MAN1A1: variants seen among roughly 807,000 people sequenced by gnomAD.
MAN1A1 encodes mannosyl-oligosaccharide 1,2-alpha-mannosidase IA.
Under a neutral mutation model 70.8 loss-of-function variants are expected in MAN1A1, and 29 were observed. That is an observed-to-expected ratio of 0.41 (90% CI 0.31 to 0.56). MAN1A1 has a LOEUF of 0.56. MAN1A1 is among the 20% of genes least tolerant of loss of function. The pLI, the probability that MAN1A1 is intolerant of heterozygous loss-of-function variation, is 0.29. For synonymous variants in MAN1A1, 349 were observed against 330.1 expected (o/e 1.06, Z -0.62); for missense variants, 747 against 841.3 (o/e 0.89, Z 1.39).
intron 8 of MAN1A1, among the ~76,000 whole-genome samples, chr6:119,196,358 A>G (rs1695901981): frequency 6.6e-6 from 1 of 151,230 alleles, no homozygotes; most frequent in African/African-American, 2.4e-5. Context: ...GGAACGTAGA[A>G]GAGAAACAGG....
chr6:119,279,276 C>T (rs1228339665), intron 5 of MAN1A1, among the ~76,000 whole-genome samples: 1 of 152,174 alleles, frequency 6.6e-6, no homozygotes, highest in African/African-American at 2.4e-5. Flanking sequence ...TACTCACCTG[C>T]CTTTTTCCTA....
At chr6:119,318,340 C>G (rs147982136) in intron 2 of MAN1A1, among the ~76,000 whole-genome samples, 2 of 152,230 alleles carry the variant, frequency 1.3e-5, no homozygotes, top group East Asian at 3.9e-4. Context: ...ATGAAGAAAT[C>G]AAGAGGTAAA....
intron 8 of MAN1A1, among the ~76,000 whole-genome samples, chr6:119,195,021 C>T (rs1458764934): frequency 8.6e-5 from 13 of 151,926 alleles, no homozygotes; most frequent in Non-Finnish European, 1.6e-4. Context: ...TTAGTAGAGA[C>T]GGGGTTTCAC....
chr6:119,278,530 ATCACT>A (rs1216202303), intron 5 of MAN1A1, among the ~76,000 whole-genome samples: 1 of 152,144 alleles, frequency 6.6e-6, no homozygotes, highest in East Asian at 1.9e-4. Flanking sequence ...AGTATTAAAG[ATCACT>A]TCACCGGTAC....
At chr6:119,283,741 C>T (rs906291909) in intron 5 of MAN1A1, among the ~76,000 whole-genome samples, 1 of 151,820 alleles carries the variant, frequency 6.6e-6, no homozygotes, top group East Asian at 1.9e-4. Context: ...AGTGGAAGGT[C>T]CATGAGGACT....
At chr6:119,298,610 T>C (rs1360291165) in intron 4 of MAN1A1, among the ~76,000 whole-genome samples, 2 of 151,694 alleles carry the variant, frequency 1.3e-5, no homozygotes, top group African/African-American at 4.8e-5. Context: ...TTTTTTTTTT[T>C]TTTTGAGTCT....
At chr6:119,337,617 G>A (rs762702378) in intron 2 of MAN1A1, among the ~76,000 whole-genome samples, 4 of 152,198 alleles carry the variant, frequency 2.6e-5, no homozygotes, top group African/African-American at 9.6e-5. Flanking sequence ...GAAAACAGAA[G>A]TACTTCCAAC....
At chr6:119,289,181 A>G (rs1776464861) in intron 5 of MAN1A1, among the ~76,000 whole-genome samples, 1 of 151,914 alleles carries the variant, frequency 6.6e-6, no homozygotes, top group African/African-American at 2.4e-5. Flanking sequence ...TATTTAGAAT[A>G]GATACATATG....
At chr6:119,278,663 C>T (rs1219808393) in intron 5 of MAN1A1, among the ~76,000 whole-genome samples, 1 of 152,076 alleles carries the variant, frequency 6.6e-6, no homozygotes, top group Non-Finnish European at 1.5e-5. Context: ...AATGTGCCCC[C>T]CCCAGTGTTG....
At chr6:119,266,045 T>C (rs6933973) in intron 5 of MAN1A1, among the ~76,000 whole-genome samples, 8,388 of 152,136 alleles carry the variant, frequency 0.055, 325 homozygotes, top group African/African-American at 0.1. Context: ...AATACTTAGA[T>C]ATAAACGTAA....
upstream of MAN1A1, chr6:119,349,884 G>A (rs552397889): frequency 2.8e-5 from 12 of 423,052 alleles, no homozygotes; most frequent in Admixed American, 2.6e-4. Context: ...GAGGCGAGGA[G>A]GGGGATGCGC....
intron 6 of MAN1A1, among the ~76,000 whole-genome samples, chr6:119,235,050 A>C (rs925496702): frequency 5.5e-4 from 84 of 152,168 alleles, no homozygotes; most frequent in African/African-American, 2.0e-3. Flanking sequence ...ACTTGTAAGC[A>C]TGTGTGTTCT....
At chr6:119,282,967 T>A (rs1284555766) in intron 5 of MAN1A1, among the ~76,000 whole-genome samples, 5 of 152,232 alleles carry the variant, frequency 3.3e-5, no homozygotes, top group Admixed American at 6.5e-5. Flanking sequence ...CTATGTTAAA[T>A]CTATTTTAAA....
intron 6 of MAN1A1, among the ~76,000 whole-genome samples, chr6:119,222,483 T>C (rs1397557375): frequency 2.0e-5 from 3 of 151,856 alleles, no homozygotes; most frequent in African/African-American, 7.2e-5. Context: ...TATGCCACCA[T>C]GGCTGGCTAA....
intron 5 of MAN1A1, among the ~76,000 whole-genome samples, chr6:119,257,115 T>C (rs1350514219): frequency 6.6e-6 from 1 of 152,100 alleles, no homozygotes; most frequent in African/African-American, 2.4e-5. Flanking sequence ...TATGTACTTA[T>C]TTGGGAGAAG....
intron 2 of MAN1A1, among the ~76,000 whole-genome samples, chr6:119,339,785 G>A (rs947197834): frequency 6.6e-6 from 1 of 152,126 alleles, no homozygotes; most frequent in Admixed American, 6.5e-5. Context: ...TATTTCTAAA[G>A]CAAGCCTTTA....
intron 5 of MAN1A1, chr6:119,269,771 C>G (rs1403299646): frequency 6.6e-6 from 1 of 152,222 alleles, no homozygotes; most frequent in Non-Finnish European, 1.5e-5. Flanking sequence ...TCCTGTCATT[C>G]TTTGAAGGTG....
chr6:119,185,747 T>C (rs1315751153), intron 11 of MAN1A1, among the ~76,000 whole-genome samples: 2 of 151,992 alleles, frequency 1.3e-5, no homozygotes, highest in Non-Finnish European at 1.5e-5. Flanking sequence ...TGGTTAATTT[T>C]TTTTTGTACT....
chr6:119,307,807 A>T (rs998371109), intron 2 of MAN1A1, among the ~76,000 whole-genome samples: 9 of 152,214 alleles, frequency 5.9e-5, no homozygotes, highest in African/African-American at 2.2e-4. Context: ...CAAAATATGG[A>T]CATAATTGAA....
Sources: allele counts gnomAD v4.1 joint callset (sites outside exome capture counted in the v4.1 genomes callset), GRCh38; gene constraint gnomAD v4.1.1; transcripts MANE v1.5; gene names NCBI Gene and HGNC (gene_info 2026-07-23, HGNC 2026-07-21).